The following DCC variants were observed in gnomAD, a reference collection of about 807,000 sequenced individuals.
DCC encodes DCC netrin 1 receptor.
A neutral mutation model predicts 172.5 loss-of-function variants in DCC; 58 were observed. That is an observed-to-expected ratio of 0.34 (90% CI 0.27 to 0.42). The LOEUF (loss-of-function observed/expected upper bound fraction) is 0.42. DCC is among the 10% of genes least tolerant of loss of function. The pLI is 1.00. For synonymous variants in DCC, 709 were observed against 644.5 expected (o/e 1.10, Z -1.52); for missense variants, 1,740 against 1,791.0 (o/e 0.97, Z 0.51).
At chr18:52,537,158 A>G (rs1342638268) in intron 1 of DCC, among the ~76,000 whole-genome samples, 1 of 152,202 alleles carries the variant, frequency 6.6e-6, no homozygotes, top group African/African-American at 2.4e-5. Flanking sequence ...TATCATGAGT[A>G]AAACATCTCA....
chr18:52,880,697 C>CT (rs2039472358), intron 2 of DCC, among the ~76,000 whole-genome samples: 1 of 152,154 alleles, frequency 6.6e-6, no homozygotes, highest in Non-Finnish European at 1.5e-5. Flanking sequence ...AACTCTCATT[C>CT]TTTTTTATGG....
chr18:53,373,012 T>C (rs1265791921), intron 15 of DCC, among the ~76,000 whole-genome samples: 1 of 152,192 alleles, frequency 6.6e-6, no homozygotes, highest in Non-Finnish European at 1.5e-5. Context: ...AAGCTGAGCC[T>C]AACCACATGT....
chr18:52,958,216 T>C (rs954759537), intron 5 of DCC, among the ~76,000 whole-genome samples: 2 of 152,158 alleles, frequency 1.3e-5, no homozygotes, highest in Non-Finnish European at 2.9e-5. Flanking sequence ...TTTTGTATGA[T>C]TTATTTTATA....
intron 15 of DCC, among the ~76,000 whole-genome samples, chr18:53,346,163 G>A (rs894360744): frequency 3.3e-5 from 5 of 151,964 alleles, no homozygotes; most frequent in African/African-American, 1.2e-4. Context: ...CATTCAAAAT[G>A]TTGTTAACCT....
At chr18:53,356,955 CT>C (rs1190888242) in intron 15 of DCC, among the ~76,000 whole-genome samples, 1 of 152,138 alleles carries the variant, frequency 6.6e-6, no homozygotes, top group Admixed American at 6.6e-5. Context: ...CTTTATTTTT[CT>C]TCTCTTAGAA....
intron 26 of DCC, among the ~76,000 whole-genome samples, chr18:53,493,820 A>G (rs1010135450): frequency 6.7e-6 from 1 of 149,142 alleles, no homozygotes; most frequent in Non-Finnish European, 1.5e-5. Flanking sequence ...TCCTGTCTCT[A>G]TCTCCTTCAG....
intron 5 of DCC, among the ~76,000 whole-genome samples, chr18:52,966,328 A>G (rs188336404): frequency 1.7e-4 from 26 of 152,322 alleles, no homozygotes; most frequent in African/African-American, 6.3e-4. Context: ...ATAATATCCA[A>G]GCAAACAAAA....
At chr18:53,243,047 T>G (rs2056321881) in intron 12 of DCC, among the ~76,000 whole-genome samples, 2 of 152,102 alleles carry the variant, frequency 1.3e-5, no homozygotes, top group Non-Finnish European at 2.9e-5. Context: ...AGGAACATTT[T>G]TAACATGTTG....
intron 14 of DCC, among the ~76,000 whole-genome samples, chr18:53,326,206 T>C (rs1402389132): frequency 6.6e-6 from 1 of 152,102 alleles, no homozygotes; most frequent in Non-Finnish European, 1.5e-5. Flanking sequence ...AAAAGATAAA[T>C]AAAAAATTAA....
At chr18:53,104,645 A>C (rs1023047235) in intron 7 of DCC, among the ~76,000 whole-genome samples, 7 of 152,090 alleles carry the variant, frequency 4.6e-5, no homozygotes, top group African/African-American at 1.7e-4. Context: ...TCACTGGAAC[A>C]GTTTTACAAA....
At chr18:52,711,362 G>A (rs1279549241) in intron 1 of DCC, among the ~76,000 whole-genome samples, 8 of 152,092 alleles carry the variant, frequency 5.3e-5, no homozygotes, top group Non-Finnish European at 1.5e-5. Context: ...CATGTAGCTG[G>A]TATTACAGGC....
intron 2 of DCC, among the ~76,000 whole-genome samples, chr18:52,788,330 G>A (rs985126103): frequency 2.6e-5 from 4 of 152,140 alleles, no homozygotes; most frequent in Admixed American, 2.6e-4. Context: ...AACCTGGTTA[G>A]TAAGCAACTT....
intron 22 of DCC, among the ~76,000 whole-genome samples, chr18:53,437,696 A>G (rs1200841569): frequency 6.6e-6 from 1 of 151,968 alleles, no homozygotes. Flanking sequence ...AGTAACAATA[A>G]TTCCCTCCTC....
intron 12 of DCC, among the ~76,000 whole-genome samples, chr18:53,227,374 C>A (rs559770615): frequency 6.6e-6 from 1 of 152,234 alleles, no homozygotes; most frequent in East Asian, 1.9e-4. Flanking sequence ...AATATATGTA[C>A]TCAATAACAC....
intron 26 of DCC, among the ~76,000 whole-genome samples, chr18:53,495,988 T>C (rs1395071194): frequency 6.6e-6 from 1 of 152,110 alleles, no homozygotes; most frequent in East Asian, 1.9e-4. Flanking sequence ...CCCATCTCCC[T>C]GGGACAGAGC....
chr18:53,508,502 T>C (rs1394828961), intron 27 of DCC, among the ~76,000 whole-genome samples: 1 of 152,218 alleles, frequency 6.6e-6, no homozygotes, highest in Non-Finnish European at 1.5e-5. Context: ...TAAGACTGCA[T>C]TTTTTTAAAC....
In DCC at chr18:53,414,373, A is replaced by G. The variant is rs574297970; in HGVS notation, c.3131-1751A>G. ...TACCACAATAAATAATAATAATAAT[A>G]AAATGGGTGGGAGGAAACTTTGGGA... On this transcript the variant is annotated intron_variant, in intron 20 of 28. Transcript: ENST00000442544. Among the ~76,000 whole-genome samples, 26 of 152,288 alleles carry G rather than the reference A, an allele frequency of 1.7e-4. No individual in the cohort carries two copies. The South Asian group carries it at 5.0e-3, about 29-fold the overall frequency.
intron 15 of DCC, among the ~76,000 whole-genome samples, chr18:53,360,246 C>T (rs2057930971): frequency 6.6e-6 from 1 of 151,896 alleles, no homozygotes; most frequent in Non-Finnish European, 1.5e-5. Context: ...AGTCATGTGA[C>T]TGGTACAGAT....
intron 9 of DCC, among the ~76,000 whole-genome samples, chr18:53,190,458 CTGTGTGTGTGTGTGTGTGTGTGT>C (rs2055349323): frequency 6.8e-6 from 1 of 146,260 alleles, no homozygotes; most frequent in Admixed American, 6.8e-5. Context: ...ACTGCTAACT[CTGTGTGTGTGTGTGTGTGTGTGT>C]GTGTGTGTGT....
Sources: allele counts gnomAD v4.1 joint callset (sites outside exome capture counted in the v4.1 genomes callset), GRCh38; gene constraint gnomAD v4.1.1; transcripts MANE v1.5; gene names NCBI Gene and HGNC (gene_info 2026-07-23, HGNC 2026-07-21).